The following WNT16 variants were observed in gnomAD, a reference collection of about 807,000 sequenced individuals.
WNT16 encodes the protein Wnt family member 16.
A neutral mutation model predicts 35.4 loss-of-function variants in WNT16; 20 were observed. That is an observed-to-expected ratio of 0.56 (90% CI 0.40 to 0.82). The LOEUF (loss-of-function observed/expected upper bound fraction) is 0.82. WNT16 is among the 40% of genes least tolerant of loss of function. WNT16 has a pLI of 0.00. For missense variants in WNT16, 461 were observed against 466.0 expected (o/e 0.99, Z 0.10); for synonymous variants, 180 against 179.2 (o/e 1.00, Z -0.03).
chr7:121,339,490 T>A lies in WNT16; in HGVS notation c.*145T>A. The A allele has an allele frequency of 1.5e-6, 1 of 665,648 alleles. No homozygotes were observed. Among genetic ancestry groups the A allele is most frequent in the Non-Finnish European group, 2.5e-6 (1 of 402,774 alleles). The allele number at this position is 665,648 out of a possible 1,614,324, so 41.2% of individuals were successfully genotyped here. ...CTTGGACCTGAGAGTTTCCCTTACCTGATCGACATATTTTCCTTTATCTGA... is the reference window on the plus strand; with the variant it reads ...CTTGGACCTGAGAGTTTCCCTTACCAGATCGACATATTTTCCTTTATCTGA... On this transcript the variant is annotated 3_prime_UTR_variant, in exon 4 of 4. Transcript: ENST00000222462.
Position 121,329,004 on chromosome 7 carries a change from G to T in WNT16, c.-289G>T, listed in dbSNP as rs1256619410. The T allele has an allele frequency of 5.9e-6, 7 of 1,181,128 alleles. No individual in the cohort carries two copies. The highest frequency in any genetic ancestry group is 7.4e-6 in the Non-Finnish European group (7 of 952,122). The allele number at this position is 1,181,128 out of a possible 1,614,324, so 73.2% of individuals were successfully genotyped here. On this transcript the variant is annotated 5_prime_UTR_variant, in exon 1 of 4. Coordinates refer to ENST00000222462, the MANE Select transcript of WNT16 (RefSeq NM_057168.2). Reference sequence around the variant, plus strand: ...CGATGGAGACGCGGATACATCAACAGAAGTTTCTCACCTAGGAATGCGAGG... The same window carrying T: ...CGATGGAGACGCGGATACATCAACATAAGTTTCTCACCTAGGAATGCGAGG...
intron 3 of WNT16, among the ~76,000 whole-genome samples, chr7:121,333,807 T>C (rs1793392377): frequency 6.6e-6 from 1 of 152,032 alleles, no homozygotes; most frequent in African/African-American, 2.4e-5. Context: ...GGTAGAGATT[T>C]TTAATAAACT....
intron 2 of WNT16, among the ~76,000 whole-genome samples, chr7:121,330,371 T>G (rs148605332): frequency 0.01 from 1,582 of 152,366 alleles, 14 homozygotes; most frequent in Middle Eastern, 0.041. Context: ...GGACCACTTG[T>G]GCGCTTCTCG....
intron 3 of WNT16, among the ~76,000 whole-genome samples, chr7:121,335,535 G>C (rs1391746014): frequency 6.6e-6 from 1 of 152,030 alleles, no homozygotes; most frequent in East Asian, 1.9e-4. Context: ...CTAGAGTAGA[G>C]AAAGGAATTT....
In WNT16 at chr7:121,331,900, C is replaced by A; in HGVS notation, c.569C>A (p.Thr190Asn). 1 of 1,614,122 alleles carries A rather than the reference C, an allele frequency of 6.2e-7. No individual in the cohort carries two copies. Among genetic ancestry groups the A allele is most frequent in the Non-Finnish European group, 8.5e-7 (1 of 1,180,040 alleles). ...TTCCTAGATTTCCCCATCGGAAACA[C>A]CACGGGCAAAGAAAACAAAGTACTA... The part of the protein sequence containing the change: ...RKFLDFPIGN[T>N]TGKENKVLLA... The change falls in exon 3 of 4, where the codon ACC becomes AAC. Residue 190 changes from threonine (T) to asparagine (N), a missense_variant. Coordinates refer to ENST00000222462, the MANE Select transcript of WNT16 (RefSeq NM_057168.2).
chr7:121,333,943 G>A lies in WNT16; in HGVS notation c.633+1979G>A, dbSNP rs148325401. 1.6e-3 allele frequency among the ~76,000 whole-genome samples: 239 copies of A among 151,898 alleles called. 1 individual carries two copies. Among genetic ancestry groups the A allele is most frequent in the African/African-American group, 5.4e-3 (226 of 41,494 alleles). On this transcript the variant is annotated intron_variant, in intron 3 of 3. Transcript: ENST00000222462. ...ATTAGTAACATTCGGCAGCTATTTGGTTTTATTTTATATTGTGTGTTTTTC... is the reference window on the plus strand; with the variant it reads ...ATTAGTAACATTCGGCAGCTATTTGATTTTATTTTATATTGTGTGTTTTTC...
chr7:121,326,105 G>A (rs1030130016), upstream of WNT16, among the ~76,000 whole-genome samples: 2 of 143,736 alleles, frequency 1.4e-5, no homozygotes, highest in East Asian at 2.0e-4. Flanking sequence ...GAGTAACCTC[G>A]AGCAAGTTTC....
chr7:121,330,346 C>T (rs1442205714), intron 2 of WNT16, among the ~76,000 whole-genome samples: 1 of 152,256 alleles, frequency 6.6e-6, no homozygotes, highest in Non-Finnish European at 1.5e-5. Context: ...ACCCAACGTG[C>T]GGCTAACCTG....
At chr7:121,336,222 G>T (rs1793443751) in intron 3 of WNT16, among the ~76,000 whole-genome samples, 1 of 151,420 alleles carries the variant, frequency 6.6e-6, no homozygotes, top group African/African-American at 2.4e-5. Context: ...GTATATATAT[G>T]CATATATATG....
intron 3 of WNT16, among the ~76,000 whole-genome samples, chr7:121,334,969 C>T (rs953759751): frequency 2.6e-5 from 4 of 151,998 alleles, no homozygotes; most frequent in African/African-American, 9.7e-5. Context: ...TTTCATTGAC[C>T]TATTCCAAGA....
chr7:121,325,428 A>C (rs1793229498), upstream of WNT16: 1 of 1,613,376 alleles, frequency 6.2e-7, no homozygotes, highest in Admixed American at 1.7e-5. Context: ...GCAGCTCACC[A>C]CTTGCCTCAG....
At position 121,331,682 on chromosome 7, in the gene WNT16, C is replaced by A; in HGVS notation, c.351C>A (p.Thr117=). 1 of 1,603,312 alleles carries A rather than the reference C, an allele frequency of 6.2e-7. No individual in the cohort carries two copies. ...PLFGYELSSG[T]KETAFIYAVM... The stretch of plus-strand genomic sequence containing the variant: ...AGCAATTTATATTTTTTCTAGGCAC[C>A]AAAGAGACAGCATTTATTTATGCTG... Residue 117 remains threonine, a synonymous_variant, in exon 3 of 4, where the codon ACC becomes ACA. Transcript: ENST00000222462.
intron 3 of WNT16, among the ~76,000 whole-genome samples, chr7:121,332,351 T>C (rs1793364223): frequency 6.6e-6 from 1 of 152,190 alleles, no homozygotes; most frequent in South Asian, 2.1e-4. Flanking sequence ...CTCTAACTGA[T>C]ATGAGTTAAA....
At chr7:121,334,325 G>A (rs1793401020) in intron 3 of WNT16, among the ~76,000 whole-genome samples, 1 of 151,582 alleles carries the variant, frequency 6.6e-6, no homozygotes, top group South Asian at 2.1e-4. Flanking sequence ...TGTTTTTGTT[G>A]TTGTTTTTAT....
Position 121,329,273 on chromosome 7 carries a change from G to C in WNT16, c.-20G>C, listed in dbSNP as rs774067337. 22 of 1,541,926 alleles carry C rather than the reference G, an allele frequency of 1.4e-5. No homozygotes were observed. In the African/African-American group the frequency reaches 2.7e-4, roughly 19 times the overall value. On this transcript the variant is annotated 5_prime_UTR_variant, in exon 1 of 4. Coordinates refer to ENST00000222462, the MANE Select transcript of WNT16 (RefSeq NM_057168.2). ...GTGCAAAAGAGGAGCGGCTGGGCTG[G>C]GGGACTCCATGCGGGGGCGATGGAC...
intron 3 of WNT16, among the ~76,000 whole-genome samples, chr7:121,333,161 A>G (rs1340101991): frequency 6.6e-6 from 1 of 152,060 alleles, no homozygotes; most frequent in Non-Finnish European, 1.5e-5. Flanking sequence ...AATCTGTCAC[A>G]TTCTTTTGAA....
At chr7:121,335,903 A>G (rs1307107106) in intron 3 of WNT16, among the ~76,000 whole-genome samples, 2 of 152,082 alleles carry the variant, frequency 1.3e-5, no homozygotes, top group Non-Finnish European at 1.5e-5. Context: ...TGCAACAAAT[A>G]TCTTCCTCTA....
chr7:121,325,636 GA>G (rs1202758674), upstream of WNT16, among the ~76,000 whole-genome samples: 11 of 150,652 alleles, frequency 7.3e-5, no homozygotes, highest in Non-Finnish European at 1.5e-4. Flanking sequence ...TTTGATCAGG[GA>G]AAAAAAATTT....
At position 121,329,366 on chromosome 7, in the gene WNT16, A is replaced by G. The variant is rs758849909; in HGVS notation, c.74A>G (p.Tyr25Cys). 1 of 1,610,626 alleles carries G rather than the reference A, an allele frequency of 6.2e-7. No individual in the cohort carries two copies. Among genetic ancestry groups the G allele is most frequent in the South Asian group, 1.1e-5 (1 of 90,570 alleles). ...LWAALLVLFP[Y>C]GAQGNWMWLG... The stretch of plus-strand genomic sequence containing the variant: ...GCAGCCCTGCTCGTGCTGTTCCCCT[A>G]CGGAGCCCAAGGAAACTGGATGTGA... Residue 25 changes from tyrosine to cysteine, a missense_variant, in exon 1 of 4, where the codon TAC (tyrosine) becomes TGC (cysteine). Physicochemically the swap from Tyr to Cys is radical, Grantham distance 194. Transcript: ENST00000222462.
Sources: gnomAD v4.1 joint callset for allele counts (sites outside exome capture counted in the v4.1 genomes callset) on GRCh38, gnomAD v4.1.1 for gene constraint, MANE v1.5 for transcripts, NCBI Gene and HGNC (gene_info 2026-07-23, HGNC 2026-07-21) for gene names.